The following BIRC6 variants were observed in gnomAD, a reference collection of about 807,000 sequenced individuals.
BIRC6 encodes the protein baculoviral IAP repeat containing 6.
Under a neutral mutation model 503.3 loss-of-function variants are expected in BIRC6, and 98 were observed. The ratio of observed to expected loss-of-function variants is 0.19; its 90% CI spans 0.17 to 0.23. The LOEUF (loss-of-function observed/expected upper bound fraction) is 0.23, where lower values mean the gene tolerates loss of function less well. Among genes scored for constraint, BIRC6 ranks in the 10% least tolerant of loss-of-function variants. BIRC6 has a pLI of 1.00. For synonymous variants in BIRC6, 2,240 were observed against 2,078.7 expected, an observed-to-expected ratio of 1.08 and a Z score of -2.11; for missense variants, 5,360 against 5,806.0, an observed-to-expected ratio of 0.92 and a Z score of 2.50.
chr2:32,617,781 G>T lies in BIRC6; in HGVS notation c.14451G>T (p.Leu4817Phe), dbSNP rs1485813933. ...TGAAACTTCCCTGCCCTGAAGGCTTGGATCCTGACACTGACGATGCCCCAG... is the reference window on the plus strand; with the variant it reads ...TGAAACTTCCCTGCCCTGAAGGCTTTGATCCTGACACTGACGATGCCCCAG... Reference protein sequence around the residue: ...ELLKLPCPEGLDPDTDDAPEV... With the variant: ...ELLKLPCPEGFDPDTDDAPEV... Residue 4817 changes from leucine to phenylalanine, a missense_variant, in exon 74 of 74, where the codon TTG becomes TTT. Leu to Phe is a conservative substitution (Grantham distance 22). Transcript: ENST00000421745. 6.2e-7 allele frequency: 1 copy of T among 1,613,896 alleles called. No homozygotes were observed. The highest frequency in any genetic ancestry group is 8.5e-7 in the Non-Finnish European group (1 of 1,179,896).
chr2:32,397,719 T>C (rs1209608265), intron 6 of BIRC6, among the ~76,000 whole-genome samples: 1 of 151,480 alleles, frequency 6.6e-6, no homozygotes, highest in African/African-American at 2.4e-5. Flanking sequence ...CACACATATA[T>C]ACACCATTTT....
chr2:32,555,097 A>G (rs1180655965), intron 65 of BIRC6, among the ~76,000 whole-genome samples: 1 of 152,192 alleles, frequency 6.6e-6, no homozygotes, highest in African/African-American at 2.4e-5. Context: ...CTGAGAAACA[A>G]ATAATGAAAA....
intron 1 of BIRC6, among the ~76,000 whole-genome samples, chr2:32,376,290 T>TTAG (rs1237914493): frequency 6.6e-6 from 1 of 152,018 alleles, no homozygotes; most frequent in African/African-American, 2.4e-5. Context: ...CTGGATATGA[T>TTAG]TAGGGTCACA....
chr2:32,451,058 C>A (rs1297330140), intron 22 of BIRC6, among the ~76,000 whole-genome samples: 1 of 152,194 alleles, frequency 6.6e-6, no homozygotes, highest in Admixed American at 6.5e-5. Context: ...AAGTTACAGT[C>A]ATCTTGAACC....
At chr2:32,475,942 T>G (rs1039853480) in intron 33 of BIRC6, among the ~76,000 whole-genome samples, 1 of 152,078 alleles carries the variant, frequency 6.6e-6, no homozygotes. Flanking sequence ...AAAATATATA[T>G]CGCTCGATTA....
At chr2:32,414,392 C>T (rs1045898491) in intron 9 of BIRC6, among the ~76,000 whole-genome samples, 48 of 151,984 alleles carry the variant, frequency 3.2e-4, no homozygotes, top group African/African-American at 9.7e-4. Flanking sequence ...TTAGGCCAGG[C>T]GTGGTGGCTC....
chr2:32,393,069 G>A (rs1194214915), intron 5 of BIRC6, among the ~76,000 whole-genome samples: 3 of 151,838 alleles, frequency 2.0e-5, no homozygotes, highest in Non-Finnish European at 4.4e-5. Context: ...GATGCTTAGG[G>A]TAATGCAATA....
intron 61 of BIRC6, among the ~76,000 whole-genome samples, chr2:32,536,157 G>GT (rs1384837441): frequency 4.6e-5 from 7 of 152,018 alleles, no homozygotes; most frequent in Admixed American, 1.3e-4. Flanking sequence ...GGGGTTGTTT[G>GT]TTTTTTTCTT....
At chr2:32,555,035 T>A (rs1256068727) in intron 65 of BIRC6, among the ~76,000 whole-genome samples, 1 of 152,070 alleles carries the variant, frequency 6.6e-6, no homozygotes, top group Non-Finnish European at 1.5e-5. Context: ...CAATAGAAAA[T>A]ACATAATTTT....
intron 65 of BIRC6, among the ~76,000 whole-genome samples, chr2:32,559,768 C>T (rs2150637134): frequency 6.6e-6 from 1 of 151,624 alleles, no homozygotes; most frequent in East Asian, 1.9e-4. Context: ...CACCTGTAAT[C>T]CCAGCACTTT....
chr2:32,442,193 G>C lies in BIRC6; in HGVS notation c.4073G>C (p.Trp1358Ser). ...AGCCTTGTGTTGGATACTCTCTGTT[G>C]GTTAGCTGGAGTTCATTCAAATGGA... ...AQSLVLDTLCWLAGVHSNGPG... is the reference protein window; with the variant it reads ...AQSLVLDTLCSLAGVHSNGPG... Residue 1358 changes from tryptophan (W) to serine (S), a missense_variant, in exon 18 of 74, where the codon TGG (tryptophan) becomes TCG (serine). Coordinates refer to ENST00000421745, the MANE Select transcript of BIRC6 (RefSeq NM_016252.4). 6.2e-7 allele frequency: 1 copy of C among 1,608,378 alleles called. No homozygotes were observed.
At chr2:32,448,434 C>G (rs553056537) in intron 21 of BIRC6, among the ~76,000 whole-genome samples, 1 of 150,912 alleles carries the variant, frequency 6.6e-6, no homozygotes, top group Non-Finnish European at 1.5e-5. Flanking sequence ...GGATCACTCG[C>G]GGTTAGGAGC....
intron 1 of BIRC6, among the ~76,000 whole-genome samples, chr2:32,369,615 A>G (rs181527596): frequency 6.6e-6 from 1 of 151,720 alleles, no homozygotes; most frequent in East Asian, 1.9e-4. Flanking sequence ...TTTGGTAGAG[A>G]CAGGGTTTCA....
chr2:32,525,431 CTATG>C, intron 58 of BIRC6, 29 bp from the exon 59 acceptor site: 1 of 1,611,228 alleles, frequency 6.2e-7, no homozygotes, highest in Non-Finnish European at 8.5e-7. Flanking sequence ...AGTGTGTTGA[CTATG>C]TAGAATCTTA....
chr2:32,507,606 AG>A (rs1338843762), intron 50 of BIRC6, among the ~76,000 whole-genome samples: 2 of 152,236 alleles, frequency 1.3e-5, no homozygotes, highest in African/African-American at 4.8e-5. Flanking sequence ...TATTAATCAA[AG>A]GTAGTTTTGT....
intron 57 of BIRC6, chr2:32,522,333 T>A (rs1260068114): frequency 6.6e-6 from 1 of 151,910 alleles, no homozygotes; most frequent in Non-Finnish European, 1.5e-5. Flanking sequence ...TATTCTAATA[T>A]ATATATTTTA....
At chr2:32,568,599 C>T (rs2059699556) in intron 65 of BIRC6, among the ~76,000 whole-genome samples, 1 of 151,784 alleles carries the variant, frequency 6.6e-6, no homozygotes, top group Non-Finnish European at 1.5e-5. Flanking sequence ...AATTTCAGCA[C>T]TTCGAGAGTT....
chr2:32,512,102 A>G (rs1001922069), intron 53 of BIRC6, among the ~76,000 whole-genome samples: 2 of 152,224 alleles, frequency 1.3e-5, no homozygotes, highest in Admixed American at 1.3e-4. Flanking sequence ...TAAAACTGAC[A>G]TTAATGACAA....
At chr2:32,458,025 C>T (rs1323972896) in intron 23 of BIRC6, among the ~76,000 whole-genome samples, 1 of 152,074 alleles carries the variant, frequency 6.6e-6, no homozygotes, top group Non-Finnish European at 1.5e-5. Context: ...ATTTTCAATA[C>T]ATGATTAAAC....
Sources: gnomAD v4.1 joint callset for allele counts (sites outside exome capture counted in the v4.1 genomes callset) on GRCh38, gnomAD v4.1.1 for gene constraint, MANE v1.5 for transcripts, NCBI Gene and HGNC (gene_info 2026-07-23, HGNC 2026-07-21) for gene names.